The following ADK variants were observed in gnomAD, a reference collection of about 807,000 sequenced individuals.
ADK encodes adenosine kinase.
In ADK, 24 loss-of-function variants were observed where a neutral mutation model predicts 44.7. That is an observed-to-expected ratio of 0.54 (90% CI 0.39 to 0.76). The LOEUF is 0.76. ADK is among the 30% of genes least tolerant of loss of function. ADK has a pLI of 0.00. For synonymous variants in ADK, 128 were observed against 142.6 expected, an observed-to-expected ratio of 0.90 and a Z score of 0.73; for missense variants, 321 against 425.1, an observed-to-expected ratio of 0.76 and a Z score of 2.15.
At chr10:74,699,003 C>T (rs373719612) in intron 10 of ADK, among the ~76,000 whole-genome samples, 11 of 150,154 alleles carry the variant, frequency 7.3e-5, no homozygotes, top group Non-Finnish European at 1.3e-4. Flanking sequence ...CATGCCACCA[C>T]GCCCAGCTAA....
intron 9 of ADK, among the ~76,000 whole-genome samples, chr10:74,665,292 G>A (rs889863159): frequency 2.1e-4 from 32 of 152,110 alleles, no homozygotes; most frequent in Admixed American, 9.8e-4. Context: ...CTTATTATAA[G>A]CAATGGCATA....
chr10:74,506,459 A>G (rs948594769), intron 6 of ADK: 1 of 156,444 alleles, frequency 6.4e-6, no homozygotes, highest in African/African-American at 2.4e-5. Context: ...ATTGCACTAA[A>G]CATGATGAAA....
intron 3 of ADK, among the ~76,000 whole-genome samples, chr10:74,270,255 A>G (rs1239360841): frequency 6.6e-6 from 1 of 152,222 alleles, no homozygotes; most frequent in African/African-American, 2.4e-5. Flanking sequence ...ATTAAAATGG[A>G]AACGGTTGAA....
At chr10:74,264,286 C>A (rs1846142351) in intron 3 of ADK, among the ~76,000 whole-genome samples, 1 of 152,174 alleles carries the variant, frequency 6.6e-6, no homozygotes, top group African/African-American at 2.4e-5. Flanking sequence ...TTCCCTTTCT[C>A]AATTGTCTTG....
chr10:74,508,235 G>T (rs950300896), intron 6 of ADK: 2 of 152,096 alleles, frequency 1.3e-5, no homozygotes, highest in Admixed American at 6.6e-5. Flanking sequence ...GAGAAAGGAG[G>T]CAGGGATAGC....
chr10:74,283,153 T>C (rs1176475898), intron 3 of ADK, among the ~76,000 whole-genome samples: 1 of 152,228 alleles, frequency 6.6e-6, no homozygotes, highest in Non-Finnish European at 1.5e-5. Flanking sequence ...TTTTCTGCTA[T>C]CTAATTAGTT....
intron 4 of ADK, among the ~76,000 whole-genome samples, chr10:74,353,699 T>G (rs963532228): frequency 6.6e-6 from 1 of 151,894 alleles, no homozygotes; most frequent in Non-Finnish European, 1.5e-5. Flanking sequence ...AAACCCTGTT[T>G]CTACTAAAAA....
chr10:74,695,472 ATGTGTGTGTG>A (rs66502036), intron 10 of ADK, among the ~76,000 whole-genome samples: 10 of 148,532 alleles, frequency 6.7e-5, no homozygotes, highest in South Asian at 2.1e-4. Context: ...GTATATATAT[ATGTGTGTGTG>A]TGTGTGTGTG....
chr10:74,652,610 A>C lies in ADK; in HGVS notation c.878-17573A>C, dbSNP rs368534971. Among the ~76,000 whole-genome samples, 206 of 151,854 alleles carry C rather than the reference A, an allele frequency of 1.4e-3. 2 individuals carry two copies. The highest frequency in any genetic ancestry group is 4.8e-3 in the African/African-American group (197 of 41,468). On this transcript the variant is annotated intron_variant, in intron 9 of 10. Coordinates refer to ENST00000539909, the MANE Select transcript of ADK (RefSeq NM_006721.4). ...ACTCCGTCTCTGCTCAAAATCAAAAATTAGCCGGCTGTAGTGGTGGGCGCC... is the reference window on the plus strand; with the variant it reads ...ACTCCGTCTCTGCTCAAAATCAAAACTTAGCCGGCTGTAGTGGTGGGCGCC...
At chr10:74,343,872 A>T (rs1352407049) in intron 4 of ADK, among the ~76,000 whole-genome samples, 1 of 152,090 alleles carries the variant, frequency 6.6e-6, no homozygotes, top group Non-Finnish European at 1.5e-5. Context: ...GCCTCCCAAA[A>T]TGCGAGATTA....
In ADK at chr10:74,596,198, A is replaced by G. The variant is rs976442742; in HGVS notation, c.763-4181A>G. ...CATTGCTAGCATTTATAGAAGCACT[A>G]TAATAATGGTTAAGTGTATTATCCT... On this transcript the variant is annotated intron_variant, in intron 8 of 10. Coordinates refer to ENST00000539909, the MANE Select transcript of ADK (RefSeq NM_006721.4). 1.2e-4 allele frequency among the ~76,000 whole-genome samples: 18 copies of G among 152,288 alleles called. No homozygotes were observed. The South Asian group carries it at 1.5e-3, about 12-fold the overall frequency.
intron 1 of ADK, among the ~76,000 whole-genome samples, chr10:74,170,748 C>T (rs562074934): frequency 6.8e-6 from 1 of 146,570 alleles, no homozygotes; most frequent in Non-Finnish European, 1.5e-5. Context: ...TGCAGTGAGC[C>T]GAGATCGCGC....
chr10:74,497,058 C>T (rs1240365196), intron 6 of ADK, among the ~76,000 whole-genome samples: 3 of 152,216 alleles, frequency 2.0e-5, no homozygotes, highest in Admixed American at 6.5e-5. Context: ...AGTGATCCTC[C>T]CTGCTCAGCC....
At chr10:74,460,367 A>G (rs1846127627) in intron 6 of ADK, among the ~76,000 whole-genome samples, 1 of 152,148 alleles carries the variant, frequency 6.6e-6, no homozygotes, top group Non-Finnish European at 1.5e-5. Flanking sequence ...TGTGCTTATG[A>G]GCCTGCTATT....
intron 3 of ADK, among the ~76,000 whole-genome samples, chr10:74,277,690 C>G (rs560130686): frequency 6.6e-6 from 1 of 152,136 alleles, no homozygotes; most frequent in Non-Finnish European, 1.5e-5. Flanking sequence ...TGAGCCACCG[C>G]GCCCAGCTAA....
chr10:74,248,818 A>G (rs1459007363), intron 3 of ADK, among the ~76,000 whole-genome samples: 4 of 152,234 alleles, frequency 2.6e-5, no homozygotes, highest in South Asian at 2.1e-4. Flanking sequence ...ACTGACATCA[A>G]TTCTCCTTGA....
At chr10:74,488,668 G>A (rs1847360986) in intron 6 of ADK, among the ~76,000 whole-genome samples, 2 of 150,702 alleles carry the variant, frequency 1.3e-5, no homozygotes, top group Admixed American at 1.3e-4. Context: ...TGTCAGAAAT[G>A]GAGACATCTA....
At chr10:74,220,983 C>T (rs972887811) in intron 2 of ADK, among the ~76,000 whole-genome samples, 1 of 150,150 alleles carries the variant, frequency 6.7e-6, no homozygotes, top group Non-Finnish European at 1.5e-5. Context: ...CCTCTCTCAC[C>T]ACTCCTATTC....
At chr10:74,478,421 G>A (rs1846939918) in intron 6 of ADK, among the ~76,000 whole-genome samples, 2 of 152,132 alleles carry the variant, frequency 1.3e-5, no homozygotes, top group South Asian at 4.1e-4. Context: ...ATGAGTGTCA[G>A]TCTGTTGCCC....
Sources: allele counts gnomAD v4.1 joint callset (sites outside exome capture counted in the v4.1 genomes callset), GRCh38; gene constraint gnomAD v4.1.1; transcripts MANE v1.5; gene names NCBI Gene and HGNC (gene_info 2026-07-23, HGNC 2026-07-21).